TMEM222: variants seen among roughly 807,000 people sequenced by gnomAD.
TMEM222 encodes the protein chromosome 1 open reading frame 160.
TMEM222 carries 18 observed loss-of-function variants against 25.1 expected under a neutral mutation model. The ratio of observed to expected loss-of-function variants is 0.72; its 90% CI spans 0.50 to 1.06. The LOEUF is 1.06. Ranked by LOEUF, TMEM222 falls within the 50% of genes least tolerant of loss-of-function variation. The pLI, the probability that TMEM222 is intolerant of heterozygous loss-of-function variation, is 0.00. For missense variants in TMEM222, 296 were observed against 293.7 expected (o/e 1.01, Z -0.06); for synonymous variants, 131 against 117.9 (o/e 1.11, Z -0.72).
At position 27,335,487 on chromosome 1, in the gene TMEM222, A is replaced by G; in HGVS notation, c.*21A>G. The G allele has an allele frequency of 1.2e-6, 2 of 1,611,622 alleles. No homozygotes were observed. Among genetic ancestry groups the G allele is most frequent in the Non-Finnish European group, 1.7e-6 (2 of 1,178,010 alleles). On this transcript the variant is annotated 3_prime_UTR_variant, in exon 6 of 6. Coordinates refer to ENST00000374076, the MANE Select transcript of TMEM222 (RefSeq NM_032125.3). The stretch of plus-strand genomic sequence containing the variant: ...GGTGATGGCTGCTCGGTGGCCCCAC[A>G]CCCACCAGGGTCCCGAGGAAACAGC...
At chr1:27,330,986 A>G in intron 2 of TMEM222, 182 bp downstream of exon 2, 1 of 1,487,892 alleles carries the variant, frequency 6.7e-7, no homozygotes, top group Non-Finnish European at 9.0e-7. Context: ...TGCCTCCAGG[A>G]CAGGCCGGGA....
intron 1 of TMEM222, among the ~76,000 whole-genome samples, chr1:27,328,777 T>G (rs889141893): frequency 5.3e-5 from 8 of 152,318 alleles, no homozygotes; most frequent in Middle Eastern, 3.4e-3. Flanking sequence ...ACCTCCTCTG[T>G]GAAGTCTTTA....
chr1:27,322,250 C>T lies in TMEM222; in HGVS notation c.53C>T (p.Pro18Leu), dbSNP rs761648628. 4 of 1,500,278 alleles carry T rather than the reference C, an allele frequency of 2.7e-6. No individual in the cohort carries two copies. Among genetic ancestry groups the T allele is most frequent in the Admixed American group, 2.4e-5 (1 of 42,214 alleles). 92.9% of individuals were successfully genotyped at this position (1,500,278 alleles called of 1,614,324 possible). Residue 18 changes from proline (P) to leucine (L), a missense_variant, in exon 1 of 6, where the codon CCG (proline) becomes CTG (leucine). Physicochemically the swap from Pro to Leu is moderately conservative, Grantham distance 98 (BLOSUM62 -3). Coordinates refer to ENST00000374076, the MANE Select transcript of TMEM222 (RefSeq NM_032125.3). ...CTCTTGTTGCCGCCGCCGCCACCCCCGCCCAGGATGGCGGAAGTGGAGGCG... is the reference window on the plus strand; with the variant it reads ...CTCTTGTTGCCGCCGCCGCCACCCCTGCCCAGGATGGCGGAAGTGGAGGCG... ...SLLLLPPPPP[P>L]PRMAEVEAPT...
At chr1:27,333,192 A>G (rs1370794346) in intron 3 of TMEM222, 2 of 384,630 alleles carry the variant, frequency 5.2e-6, no homozygotes, top group East Asian at 7.3e-5. Context: ...CCAGCATTCC[A>G]TCACCGTGTT....
At chr1:27,332,399 C>T (rs1170796254) in intron 3 of TMEM222, 3 of 717,812 alleles carry the variant, frequency 4.2e-6, no homozygotes, top group African/African-American at 1.7e-5. Flanking sequence ...CAAGGTCACA[C>T]AGGAAGTGGC....
intron 1 of TMEM222, among the ~76,000 whole-genome samples, chr1:27,328,897 C>T (rs1321828541): frequency 3.9e-5 from 6 of 152,176 alleles, no homozygotes; most frequent in Non-Finnish European, 8.8e-5. Flanking sequence ...GCATTGAGGC[C>T]AGGACTCGGC....
intron 5 of TMEM222, chr1:27,334,522 AT>A: frequency 7.2e-7 from 1 of 1,392,874 alleles, no homozygotes; most frequent in Non-Finnish European, 9.5e-7. Flanking sequence ...CTGTGAGACC[AT>A]GGGCAACTGC....
intron 2 of TMEM222, 92 bp from the exon 3 acceptor site, chr1:27,331,978 T>G: frequency 9.8e-7 from 1 of 1,016,296 alleles, no homozygotes; most frequent in Non-Finnish European, 1.5e-6. Context: ...ACATACCCTC[T>G]TCTAAGTCAC....
At chr1:27,323,746 A>C (rs536667756) in intron 1 of TMEM222, among the ~76,000 whole-genome samples, 27 of 152,316 alleles carry the variant, frequency 1.8e-4, no homozygotes, top group African/African-American at 6.5e-4. Flanking sequence ...GCACTTCAGC[A>C]TGGGCAACAC....
chr1:27,325,159 A>C (rs971731356), intron 1 of TMEM222: 6 of 358,450 alleles, frequency 1.7e-5, no homozygotes, highest in Non-Finnish European at 3.2e-5. Flanking sequence ...AGGAAATGGA[A>C]CCCAAAGATC....
intron 1 of TMEM222, among the ~76,000 whole-genome samples, chr1:27,329,753 G>C (rs1376953569): frequency 1.3e-5 from 2 of 152,208 alleles, no homozygotes; most frequent in Non-Finnish European, 2.9e-5. Context: ...GGCAAAGAAG[G>C]TTCCAAAAGT....
chr1:27,333,929 A>G, intron 3 of TMEM222, 29 bp from the exon 4 acceptor site: 1 of 1,601,752 alleles, frequency 6.2e-7, no homozygotes, highest in Non-Finnish European at 8.5e-7. Context: ...GGAGCCAAGC[A>G]AGTGTCCAGA....
chr1:27,328,113 A>G (rs1434753723), intron 1 of TMEM222, among the ~76,000 whole-genome samples: 3 of 152,204 alleles, frequency 2.0e-5, no homozygotes, highest in African/African-American at 7.2e-5. Context: ...AAAGCATTGT[A>G]GTGGGATCTG....
chr1:27,322,371 G>T lies in TMEM222; in HGVS notation c.174G>T (p.Trp58Cys). The change falls in exon 1 of 6, where the codon TGG becomes TGT. Residue 58 changes from tryptophan to cysteine, a missense_variant. Coordinates refer to ENST00000374076, the MANE Select transcript of TMEM222 (RefSeq NM_032125.3). Reference sequence around the variant, plus strand: ...GTCGCTTCCCCTACTGCGTGGTGTGGACGCCCATCCCGGTGCTCACGTGAG... The same window carrying T: ...GTCGCTTCCCCTACTGCGTGGTGTGTACGCCCATCCCGGTGCTCACGTGAG... ...ERSRFPYCVVWTPIPVLTWFF... is the reference protein window; with the variant it reads ...ERSRFPYCVVCTPIPVLTWFF... 6.8e-7 allele frequency: 1 copy of T among 1,474,446 alleles called. No homozygotes were observed. Among genetic ancestry groups the T allele is most frequent in the South Asian group, 1.3e-5 (1 of 74,884 alleles). The allele number at this position is 1,474,446 out of a possible 1,614,324, so 91.3% of individuals were successfully genotyped here.
intron 1 of TMEM222, among the ~76,000 whole-genome samples, chr1:27,330,258 G>T (rs566910456): frequency 2.9e-4 from 42 of 143,736 alleles, no homozygotes; most frequent in African/African-American, 1.1e-3. Flanking sequence ...TTACCCAGGC[G>T]TGGTGGTGCA....
chr1:27,335,745 C>A lies in TMEM222; in HGVS notation c.*279C>A. ...TCTGTTGAAAGGCTTTGGCTTCCCG[C>A]TGTAGAGCTGCTCCCGCCACCACCT... On this transcript the variant is annotated 3_prime_UTR_variant, in exon 6 of 6. Transcript: ENST00000374076. The A allele has an allele frequency of 2.1e-6, 1 of 480,198 alleles. No homozygotes were observed. Among genetic ancestry groups the A allele is most frequent in the South Asian group, 2.3e-5 (1 of 43,594 alleles). 29.7% of individuals were successfully genotyped at this position (480,198 alleles called of 1,614,324 possible).
intron 1 of TMEM222, among the ~76,000 whole-genome samples, chr1:27,328,641 A>G (rs1325641649): frequency 6.6e-6 from 1 of 152,220 alleles, no homozygotes; most frequent in Non-Finnish European, 1.5e-5. Flanking sequence ...CCAGTGGTAC[A>G]GCAGTAGCCC....
Position 27,336,009 on chromosome 1 carries a change from G to A in TMEM222, c.*543G>A. On this transcript the variant is annotated 3_prime_UTR_variant, in exon 6 of 6. Transcript: ENST00000374076. ...CCGGCAGCTGCCCTGGGGGACATGT[G>A]TGCCCATCTGGCATCCTCCAGCCCG... 1 of 158,338 alleles carries A rather than the reference G, an allele frequency of 6.3e-6. No homozygotes were observed. Among genetic ancestry groups the A allele is most frequent in the South Asian group, 1.8e-4 (1 of 5,478 alleles). The allele number at this position is 158,338 out of a possible 1,614,324, so 9.8% of individuals were successfully genotyped here.
chr1:27,330,407 A>AG (rs2014451543), intron 1 of TMEM222, among the ~76,000 whole-genome samples: 1 of 152,002 alleles, frequency 6.6e-6, no homozygotes, highest in African/African-American at 2.4e-5. Flanking sequence ...AAAAAAAAAA[A>AG]AAGGTAGAAA....
Sources: allele counts gnomAD v4.1 joint callset (sites outside exome capture counted in the v4.1 genomes callset), GRCh38; gene constraint gnomAD v4.1.1; transcripts MANE v1.5; gene names NCBI Gene and HGNC (gene_info 2026-07-23, HGNC 2026-07-21).